The following VPS53 variants were observed in gnomAD, a reference collection of about 807,000 sequenced individuals.
The protein encoded by VPS53 is VPS53 subunit of GARP complex.
VPS53 carries 70 observed loss-of-function variants against 107.0 expected under a neutral mutation model. That is an observed-to-expected ratio of 0.65 (90% confidence interval 0.54 to 0.80). The LOEUF is 0.80. Among genes scored for constraint, VPS53 ranks in the 30% least tolerant of loss-of-function variants. The pLI is 0.00. For synonymous variants in VPS53, 409 were observed against 393.3 expected (o/e 1.04, Z -0.47); for missense variants, 917 against 1,049.4 (o/e 0.87, Z 1.74).
At chr17:542,526 C>T (rs933302400) in intron 17 of VPS53, among the ~76,000 whole-genome samples, 1 of 152,096 alleles carries the variant, frequency 6.6e-6, no homozygotes, top group Non-Finnish European at 1.5e-5. Flanking sequence ...TCTCGCAGCA[C>T]GTATAAATTC....
intron 17 of VPS53, among the ~76,000 whole-genome samples, chr17:551,364 C>G (rs766247499): frequency 9.2e-5 from 14 of 152,054 alleles, no homozygotes; most frequent in Non-Finnish European, 2.1e-4. Context: ...GCCAGGAGTT[C>G]AGGACCAGCC....
chr17:565,369 C>T (rs1293246432), intron 13 of VPS53, among the ~76,000 whole-genome samples: 2 of 131,198 alleles, frequency 1.5e-5, no homozygotes, highest in African/African-American at 5.8e-5. Context: ...TACCATTGCA[C>T]TACAGCCTGG....
intron 13 of VPS53, among the ~76,000 whole-genome samples, chr17:569,291 G>C (rs528651668): frequency 1.6e-4 from 24 of 152,300 alleles, no homozygotes; most frequent in Non-Finnish European, 3.1e-4. Flanking sequence ...AACTGGTGAA[G>C]TTCAAACACG....
At chr17:710,390 G>C in intron 2 of VPS53, 143 bp downstream of exon 2, 1 of 644,888 alleles carries the variant, frequency 1.6e-6, no homozygotes, top group Non-Finnish European at 2.8e-6. Context: ...CACTGCCCCA[G>C]CTGGTGATGA....
intron 17 of VPS53, among the ~76,000 whole-genome samples, chr17:543,809 A>AGGGAGGGAGGG (rs1910896828): frequency 3.4e-5 from 2 of 58,996 alleles, no homozygotes; most frequent in African/African-American, 1.3e-4. Flanking sequence ...GGAAGGAAGG[A>AGGGAGGGAGGG]AGGAAGGGAG....
chr17:599,130 G>C (rs1387608177), intron 12 of VPS53, among the ~76,000 whole-genome samples: 12 of 145,700 alleles, frequency 8.2e-5, no homozygotes, highest in South Asian at 2.2e-4. Flanking sequence ...AGGGAGGTGG[G>C]GGGGTCAGCC....
rs1908575740 is a variant in VPS53 at position 519,720 on chromosome 17, A to G, written c.2328+106T>C. ...CGGTTTGCTCTGTGGAGCCAGGCAC[A>G]TGCATTTTGAGAAAGCCCCCCCGGA... On this transcript the variant is annotated intron_variant, in intron 21 of 21. Coordinates refer to ENST00000437048, the MANE Select transcript of VPS53 (RefSeq NM_001128159.3). The surrounding 1 kb of genome is among the most constrained non-coding windows in gnomAD (Gnocchi z 5.0). 8 of 852,020 alleles carry G rather than the reference A, an allele frequency of 9.4e-6. No individual in the cohort carries two copies. The highest frequency in any genetic ancestry group is 2.2e-5 in the Admixed American group (1 of 45,090). The allele number at this position is 852,020 out of a possible 1,614,324, so 52.8% of individuals were successfully genotyped here. A position where few individuals can be genotyped will look rare whatever the true frequency, so the allele number is the denominator to read the frequency against.
Position 612,644 on chromosome 17 carries a change from G to A in VPS53, c.1117-10748C>T, listed in dbSNP as rs1051668296. Reference sequence around the variant, plus strand: ...TATTCATATAGTGAGTTCACACAGCGAAAACCTGTACAGATATTCACAGCA... The same window carrying A: ...TATTCATATAGTGAGTTCACACAGCAAAAACCTGTACAGATATTCACAGCA... On this transcript the variant is annotated intron_variant, in intron 11 of 21. Transcript: ENST00000437048. Among the ~76,000 whole-genome samples, 25 of 148,360 alleles carry A rather than the reference G, an allele frequency of 1.7e-4. 1 individual carries two copies. The highest frequency in any genetic ancestry group is 2.2e-4 in the Non-Finnish European group (15 of 67,710).
chr17:555,513 T>C (rs553638465), intron 15 of VPS53, among the ~76,000 whole-genome samples: 1 of 152,236 alleles, frequency 6.6e-6, no homozygotes, highest in Admixed American at 6.5e-5. Flanking sequence ...TTTGTATTTT[T>C]AGTAGAGACG....
chr17:597,870 AT>A (rs925214482), intron 12 of VPS53, among the ~76,000 whole-genome samples: 9 of 148,012 alleles, frequency 6.1e-5, no homozygotes, highest in African/African-American at 1.5e-4. Context: ...ATTCCCGGCC[AT>A]TTTTTTTTTA....
rs569738216 is a variant in VPS53 at position 697,648 on chromosome 17, G to A, written c.219-164C>T. Among the ~76,000 whole-genome samples, 29 of 151,924 alleles carry A rather than the reference G, an allele frequency of 1.9e-4. No homozygotes were observed. The South Asian group carries it at 2.3e-3, about 12-fold the overall frequency. ...TGGCATCAGGCAGGAGGAGGGCAGC[G>A]ACAGCCGTGCGGGAAGTCAAGCCCA... On this transcript the variant is annotated intron_variant, in intron 3 of 21. Coordinates refer to ENST00000437048, the MANE Select transcript of VPS53 (RefSeq NM_001128159.3).
chr17:533,203 C>T (rs1399984114), intron 18 of VPS53, among the ~76,000 whole-genome samples: 1 of 152,240 alleles, frequency 6.6e-6, no homozygotes, highest in African/African-American at 2.4e-5. Context: ...TGTTGTTTGT[C>T]CTGAGAGGGA....
Position 537,094 on chromosome 17 carries a change from G to A in VPS53, c.1949C>T (p.Pro650Leu). The change falls in exon 18 of 22, where the codon CCC becomes CTC. Residue 650 changes from proline (P) to leucine (L), a missense_variant. Pro to Leu is a moderately conservative substitution (Grantham distance 98, BLOSUM62 -3). Transcript: ENST00000437048. ...SVILHIKQNV[P>L]IIRDNLASTR... Reference sequence around the variant, plus strand: ...GGAAGCCAGGTTGTCACGGATGATGGGGACGTTCTGCTTGATGTGCAGAAT... The same window carrying A: ...GGAAGCCAGGTTGTCACGGATGATGAGGACGTTCTGCTTGATGTGCAGAAT... 1 of 1,614,168 alleles carries A rather than the reference G, an allele frequency of 6.2e-7. No homozygotes were observed. The highest frequency in any genetic ancestry group is 8.5e-7 in the Non-Finnish European group (1 of 1,180,034).
intron 15 of VPS53, among the ~76,000 whole-genome samples, chr17:553,680 C>T (rs1396364104): frequency 6.6e-6 from 1 of 151,418 alleles, no homozygotes; most frequent in Non-Finnish European, 1.5e-5. Flanking sequence ...AAGCAATTCT[C>T]CTGCCTCAGC....
intron 18 of VPS53, among the ~76,000 whole-genome samples, chr17:535,557 G>A (rs1002750086): frequency 3.3e-5 from 5 of 151,836 alleles, no homozygotes; most frequent in Non-Finnish European, 7.4e-5. Flanking sequence ...CTAAGTCAAC[G>A]GACTCCTCCT....
chr17:540,499 CT>C lies in VPS53; in HGVS notation c.1867-3324del, dbSNP rs1910549354. The C allele has an allele frequency of 3.9e-5, 6 of 152,336 alleles. No homozygotes were observed. In the South Asian group the frequency reaches 1.2e-3, roughly 32 times the overall value. 9.4% of individuals were successfully genotyped at this position (152,336 alleles called of 1,614,324 possible). On this transcript the variant is annotated intron_variant, in intron 17 of 21. Coordinates refer to ENST00000437048, the MANE Select transcript of VPS53 (RefSeq NM_001128159.3). ...GGATTACAGGTGTGAGCTACCACGC[CT>C]GGCCCAAAGAACTCTTTCAAAAAAG...
At position 589,985 on chromosome 17, in the gene VPS53, G is replaced by A. The variant is rs890708626; in HGVS notation, c.1219-3621C>T. ...CCTTGGGCAGTATGGCCATTTTCACGATATTGATTCTTCCTACTCATGAGA... is the reference window on the plus strand; with the variant it reads ...CCTTGGGCAGTATGGCCATTTTCACAATATTGATTCTTCCTACTCATGAGA... On this transcript the variant is annotated intron_variant, in intron 12 of 21. Coordinates refer to ENST00000437048, the MANE Select transcript of VPS53 (RefSeq NM_001128159.3). Among the ~76,000 whole-genome samples, 20 of 152,126 alleles carry A rather than the reference G, an allele frequency of 1.3e-4. No homozygotes were observed. The East Asian group carries it at 2.1e-3, about 16-fold the overall frequency.
chr17:584,379 C>T (rs538387150), intron 13 of VPS53, among the ~76,000 whole-genome samples: 185 of 152,228 alleles, frequency 1.2e-3, no homozygotes, highest in African/African-American at 4.4e-3. Context: ...CACTGGAGCA[C>T]GAACACAGTC....
chr17:533,372 G>A (rs1183593387), intron 18 of VPS53, among the ~76,000 whole-genome samples: 2 of 152,176 alleles, frequency 1.3e-5, no homozygotes, highest in Non-Finnish European at 2.9e-5. Flanking sequence ...GGCTCCGGAA[G>A]TGCTGGGATT....
Sources: gnomAD v4.1 joint callset for allele counts (sites outside exome capture counted in the v4.1 genomes callset) on GRCh38, gnomAD v4.1.1 for gene constraint, Gnocchi (gnomAD v3.1) non-coding constraint, MANE v1.5 for transcripts, NCBI Gene and HGNC (gene_info 2026-07-23, HGNC 2026-07-21) for gene names.